The following EPB41L2 variants were observed in gnomAD, a reference collection of about 807,000 sequenced individuals.
EPB41L2 encodes the protein erythrocyte membrane protein band 4.1 like 2.
Under a neutral mutation model 113.0 loss-of-function variants are expected in EPB41L2, and 43 were observed. That is an observed-to-expected ratio of 0.38 (90% CI 0.30 to 0.49). The LOEUF is 0.49. Among genes scored for constraint, EPB41L2 ranks in the 20% least tolerant of loss-of-function variants. The probability of loss-of-function intolerance (pLI) is 0.95; values close to 1 mark genes in which losing one functional copy is unlikely to be tolerated. For missense variants in EPB41L2, 1,147 were observed against 1,223.4 expected (o/e 0.94, Z 0.93); for synonymous variants, 442 against 436.7 (o/e 1.01, Z -0.15).
At chr6:130,972,257 G>A (rs925466982) in intron 1 of EPB41L2, among the ~76,000 whole-genome samples, 6 of 149,616 alleles carry the variant, frequency 4.0e-5, no homozygotes, top group Admixed American at 6.7e-5. Context: ...TCAGGAGGTG[G>A]AGGTTGCAGT....
At chr6:131,045,701 T>C (rs1795309730) in intron 1 of EPB41L2, among the ~76,000 whole-genome samples, 2 of 152,276 alleles carry the variant, frequency 1.3e-5, no homozygotes, top group Middle Eastern at 3.4e-3. Context: ...AATAAGACAA[T>C]CTAGGAACAG....
chr6:130,964,321 C>T (rs1774424268), intron 1 of EPB41L2, among the ~76,000 whole-genome samples: 1 of 152,182 alleles, frequency 6.6e-6, no homozygotes, highest in Non-Finnish European at 1.5e-5. Context: ...TGCGCCCAGC[C>T]TGAAGCTATA....
intron 1 of EPB41L2, among the ~76,000 whole-genome samples, chr6:131,006,614 G>A (rs1785593820): frequency 9.0e-6 from 1 of 111,248 alleles, no homozygotes; most frequent in South Asian, 3.3e-4. Context: ...AGGTTGCAGT[G>A]AGCCGAGATC....
intron 1 of EPB41L2, among the ~76,000 whole-genome samples, chr6:131,056,824 T>G (rs775047191): frequency 5.3e-5 from 8 of 152,230 alleles, no homozygotes; most frequent in African/African-American, 1.4e-4. Flanking sequence ...CAGCATCAAA[T>G]AGAGTGGACA....
intron 1 of EPB41L2, among the ~76,000 whole-genome samples, chr6:130,986,012 C>G (rs1396101520): frequency 6.6e-6 from 1 of 152,070 alleles, no homozygotes; most frequent in Non-Finnish European, 1.5e-5. Flanking sequence ...AAAACCACCA[C>G]AAGAAAAGTA....
chr6:130,882,786 G>A (rs1182758060), intron 12 of EPB41L2: 4 of 152,834 alleles, frequency 2.6e-5, no homozygotes, highest in Admixed American at 6.5e-5. Flanking sequence ...GGGAAAGCAA[G>A]ATATCCATCT....
intron 18 of EPB41L2, among the ~76,000 whole-genome samples, chr6:130,862,058 A>G (rs1353896214): frequency 6.6e-6 from 1 of 152,144 alleles, no homozygotes; most frequent in Non-Finnish European, 1.5e-5. Context: ...ATTTTTTAAG[A>G]GTCAGGTGTA....
chr6:130,855,554 A>G (rs1320058381), intron 19 of EPB41L2, among the ~76,000 whole-genome samples: 3 of 152,226 alleles, frequency 2.0e-5, no homozygotes, highest in African/African-American at 7.2e-5. Context: ...GTTGCTAGAT[A>G]TAAGATAAAT....
At position 130,887,857 on chromosome 6, in the gene EPB41L2, T is replaced by C. The variant is rs189563174; in HGVS notation, c.1660+2437A>G. ...CCTCAACCCCCAAATGCATCTTGGT[T>C]GTTGGTTCTCTTAAATGACTGATTT... On this transcript the variant is annotated intron_variant, in intron 11 of 19. Coordinates refer to ENST00000337057, the MANE Select transcript of EPB41L2 (RefSeq NM_001431.4). Among the ~76,000 whole-genome samples the C allele has an allele frequency of 2.5e-3, 386 of 152,296 alleles. 1 individual carries two copies. The highest frequency in any genetic ancestry group is 0.01 in the Middle Eastern group (3 of 294).
intron 1 of EPB41L2, among the ~76,000 whole-genome samples, chr6:131,054,340 GTCTGTCCCT>G: frequency 1.2e-5 from 1 of 80,832 alleles, no homozygotes; most frequent in Non-Finnish European, 3.8e-5. Context: ...ATCTGTCCCT[GTCTGTCCCT>G]GCAAGTTTCT....
intron 18 of EPB41L2, among the ~76,000 whole-genome samples, chr6:130,860,348 G>A (rs941259029): frequency 1.3e-5 from 2 of 152,196 alleles, no homozygotes; most frequent in African/African-American, 4.8e-5. Context: ...CTAATTCACA[G>A]AAAGATTGGG....
At chr6:131,040,122 A>C (rs766519852) in intron 1 of EPB41L2, among the ~76,000 whole-genome samples, 4 of 152,184 alleles carry the variant, frequency 2.6e-5, no homozygotes, top group Non-Finnish European at 5.9e-5. Context: ...GTTTACCCCT[A>C]CTAAACTATA....
chr6:131,051,908 T>C (rs1432458372), intron 1 of EPB41L2, among the ~76,000 whole-genome samples: 1 of 151,864 alleles, frequency 6.6e-6, no homozygotes, highest in Non-Finnish European at 1.5e-5. Flanking sequence ...TTAAGGAAAT[T>C]AGGATGTAGC....
At chr6:130,893,414 A>G (rs1350894688) in intron 10 of EPB41L2, among the ~76,000 whole-genome samples, 1 of 152,178 alleles carries the variant, frequency 6.6e-6, no homozygotes, top group African/African-American at 2.4e-5. Context: ...GAAACCAAGA[A>G]CACTCATGCA....
In EPB41L2 at chr6:130,870,005, T is replaced by G. The variant is rs1167031324; in HGVS notation, c.2165A>C (p.Glu722Ala). The stretch of plus-strand genomic sequence containing the variant: ...TGTCACAGGCTCCACCTTACGAATC[T>G]CCCCAGGACCACTCCCAGGTGATAT... The part of the protein sequence containing the change: ...KEISPGSGPG[E>A]IRKVEPVTQK... Residue 722 changes from glutamate to alanine, a missense_variant, in exon 15 of 20, where the codon GAG becomes GCG. Coordinates refer to ENST00000337057, the MANE Select transcript of EPB41L2 (RefSeq NM_001431.4). 6.2e-7 allele frequency: 1 copy of G among 1,613,886 alleles called. No homozygotes were observed. The highest frequency in any genetic ancestry group is 8.5e-7 in the Non-Finnish European group (1 of 1,179,998).
chr6:131,032,846 A>AT (rs1231067700), intron 1 of EPB41L2, among the ~76,000 whole-genome samples: 1 of 152,206 alleles, frequency 6.6e-6, no homozygotes, highest in Non-Finnish European at 1.5e-5. Context: ...AAGACTAACA[A>AT]TAACAAAAAA....
chr6:130,902,692 A>G (rs2128499359), intron 6 of EPB41L2, among the ~76,000 whole-genome samples: 1 of 152,326 alleles, frequency 6.6e-6, no homozygotes, highest in South Asian at 2.1e-4. Context: ...TGGAAGTTTT[A>G]GAACCTAAAC....
chr6:131,040,308 G>A (rs964033472), intron 1 of EPB41L2, among the ~76,000 whole-genome samples: 19 of 152,118 alleles, frequency 1.2e-4, no homozygotes, highest in African/African-American at 4.6e-4. Context: ...GCGTGGAGGT[G>A]CGCACCTGTA....
At chr6:131,010,415 T>C (rs1307993824) in intron 1 of EPB41L2, among the ~76,000 whole-genome samples, 1 of 56,494 alleles carries the variant, frequency 1.8e-5, no homozygotes, top group Non-Finnish European at 3.7e-5. Context: ...AATTAATTAA[T>C]TTTTTTTTTT....
Sources: allele counts gnomAD v4.1 joint callset (sites outside exome capture counted in the v4.1 genomes callset), GRCh38; gene constraint gnomAD v4.1.1; transcripts MANE v1.5; gene names NCBI Gene and HGNC (gene_info 2026-07-23, HGNC 2026-07-21).